Variants in P2RX7 observed in about 807,000 individuals in gnomAD.
P2RX7 encodes the protein purinergic receptor P2X 7, also known as P2X purinoceptor 7.
A neutral mutation model predicts 71.6 loss-of-function variants in P2RX7; 62 were observed. That is an observed-to-expected ratio of 0.87 (90% CI 0.71 to 1.07). The LOEUF is 1.07. P2RX7 is among the 50% of genes least tolerant of loss of function. The pLI, the probability that P2RX7 is intolerant of heterozygous loss-of-function variation, is 0.00. For synonymous variants in P2RX7, 299 were observed against 283.3 expected (o/e 1.06, Z -0.56); for missense variants, 686 against 748.5 (o/e 0.92, Z 0.97).
Position 121,177,338 on chromosome 12 carries a change from T to C in P2RX7, c.1080T>C (p.Ser360=). Residue 360 remains serine (S), a synonymous_variant, in exon 11 of 13, where the codon AGT becomes AGC. Coordinates refer to ENST00000328963, the MANE Select transcript of P2RX7 (RefSeq NM_002562.6). ...ACTTCCTCATCGACACTTACTCCAG[T>C]AACTGCTGTCGCTCCCATATTTATC... The part of the protein sequence containing the change: ...FIDFLIDTYS[S]NCCRSHIYPW... 13 of 1,614,042 alleles carry C rather than the reference T, an allele frequency of 8.1e-6. No homozygotes were observed. The highest frequency in any genetic ancestry group is 1.1e-5 in the Non-Finnish European group (13 of 1,179,990).
At chr12:121,171,359 C>CTTTTTTTTTTTTTTTTTTTT (rs34595094) in intron 8 of P2RX7, among the ~76,000 whole-genome samples, 1 of 105,026 alleles carries the variant, frequency 9.5e-6, no homozygotes, top group Non-Finnish European at 1.8e-5. Context: ...TCTTCAATCT[C>CTTTTTTTTTTTTTTTTTTTT]TTTTTTTTTT....
At position 121,149,397 on chromosome 12, in the gene P2RX7, G is replaced by A. The variant is rs1273672582; in HGVS notation, c.126-5388G>A. ...AATTTATAAAGGAAAGAGGTTTAAT[G>A]GGCCCACAGTTCCACATGGCTGGGA... On this transcript the variant is annotated intron_variant, in intron 1 of 12. Transcript: ENST00000328963. The surrounding 1 kb of genome is among the most constrained non-coding windows in gnomAD (Gnocchi z 4.7). Among the ~76,000 whole-genome samples the A allele has an allele frequency of 1.3e-5, 2 of 152,162 alleles. No individual in the cohort carries two copies. Among genetic ancestry groups the A allele is most frequent in the Non-Finnish European group, 2.9e-5 (2 of 68,020 alleles).
At position 121,184,849 on chromosome 12, in the gene P2RX7, C is replaced by G. The variant is rs1336491230; in HGVS notation, c.*47C>G. ...TCTGTAATCCCAGCGCTTTGGGAGG[C>G]CGAGGCAGGCAGATCACCTGAGGTC... On this transcript the variant is annotated 3_prime_UTR_variant, in exon 13 of 13. Transcript: ENST00000328963. 37 of 1,420,608 alleles carry G rather than the reference C, an allele frequency of 2.6e-5. No individual in the cohort carries two copies. The East Asian group carries it at 9.3e-4, about 36-fold the overall frequency. The allele number at this position is 1,420,608 out of a possible 1,614,324, so 88.0% of individuals were successfully genotyped here.
At chr12:121,162,306 G>A in intron 4 of P2RX7, 118 bp from the exon 5 acceptor site, 1 of 1,472,404 alleles carries the variant, frequency 6.8e-7, no homozygotes, top group Non-Finnish European at 9.0e-7. Flanking sequence ...GCGTGGGTTG[G>A]AAAGCCTGGT....
intron 1 of P2RX7, among the ~76,000 whole-genome samples, chr12:121,152,942 CCGGCACATGTACAAGAGCTTCT>C (rs1437997761): frequency 6.6e-6 from 1 of 152,254 alleles, no homozygotes; most frequent in East Asian, 1.9e-4. Flanking sequence ...CATAGCTCCT[CCGGCACATGTACAAGAGCTTCT>C]CTAGGGCACA....
intron 1 of P2RX7, among the ~76,000 whole-genome samples, chr12:121,141,870 C>T (rs568531): frequency 0.15 from 22,871 of 152,082 alleles, 2,883 homozygotes; most frequent in African/African-American, 0.35. Context: ...ACCACACAAT[C>T]CATGTCACAG....
At chr12:121,165,543 T>A in intron 6 of P2RX7, 106 bp downstream of exon 6, 2 of 880,422 alleles carry the variant, frequency 2.3e-6, no homozygotes, top group Non-Finnish European at 3.6e-6. Context: ...CTCCCACGGT[T>A]TCTGTGGGTC....
chr12:121,174,986 C>G (rs1287016715), intron 8 of P2RX7, among the ~76,000 whole-genome samples: 2 of 151,952 alleles, frequency 1.3e-5, no homozygotes, highest in African/African-American at 4.8e-5. Flanking sequence ...ACTAGACAGG[C>G]CACTGTTTTG....
intron 1 of P2RX7, chr12:121,148,937 G>A (rs936677555): frequency 7.4e-6 from 3 of 406,524 alleles, no homozygotes; most frequent in African/African-American, 2.1e-5. Context: ...TTAGGTGTGA[G>A]CTAAGAGATA....
chr12:121,166,324 C>T (rs568338505), intron 7 of P2RX7, 137 bp downstream of exon 7: 31 of 860,868 alleles, frequency 3.6e-5, no homozygotes, highest in African/African-American at 2.2e-4. Flanking sequence ...CCACCCGCTA[C>T]GCTAAGGACT....
intron 1 of P2RX7, among the ~76,000 whole-genome samples, chr12:121,140,290 A>C (rs1426996074): frequency 6.6e-6 from 1 of 152,234 alleles, no homozygotes; most frequent in African/African-American, 2.4e-5. Context: ...GAGCAGCCGG[A>C]GCTGAGGGCA....
intron 1 of P2RX7, among the ~76,000 whole-genome samples, chr12:121,152,891 G>C (rs1877747974): frequency 6.6e-6 from 1 of 152,212 alleles, no homozygotes; most frequent in African/African-American, 2.4e-5. Context: ...GTTATTTCCT[G>C]CTTTCCCTCT....
At position 121,161,125 on chromosome 12, in the gene P2RX7, C is replaced by T. The variant is rs1177973534; in HGVS notation, c.436+151C>T. On this transcript the variant is annotated intron_variant, in intron 4 of 12. Coordinates refer to ENST00000328963, the MANE Select transcript of P2RX7 (RefSeq NM_002562.6). ...ATAGGCGAGTCTGCCCATGCTTCGGCTCTGTCCCCAGCAGACCAGCTGCTG... is the reference window on the plus strand; with the variant it reads ...ATAGGCGAGTCTGCCCATGCTTCGGTTCTGTCCCCAGCAGACCAGCTGCTG... 6 of 710,488 alleles carry T rather than the reference C, an allele frequency of 8.4e-6. No homozygotes were observed. In the Admixed American group the frequency reaches 1.2e-4, roughly 14 times the overall value. The allele number at this position is 710,488 out of a possible 1,614,324, so 44.0% of individuals were successfully genotyped here. A position where few individuals can be genotyped will look rare whatever the true frequency, so the allele number is the denominator to read the frequency against.
chr12:121,156,282 G>C (rs562484598), intron 3 of P2RX7, 135 bp downstream of exon 3: 2 of 701,726 alleles, frequency 2.9e-6, no homozygotes, highest in African/African-American at 1.8e-5. Flanking sequence ...CCTCTTTTGT[G>C]GGGTAGGGCT....
chr12:121,177,497 A>T (rs1281113900), intron 11 of P2RX7, 51 bp downstream of exon 11: 4 of 1,573,224 alleles, frequency 2.5e-6, no homozygotes, highest in Non-Finnish European at 3.5e-6. Flanking sequence ...ATTCCATGAA[A>T]TCACTCAGAA....
intron 10 of P2RX7, 21 bp from the exon 11 acceptor site, chr12:121,177,276 G>A (rs190080059): frequency 1.2e-5 from 19 of 1,614,060 alleles, no homozygotes; most frequent in Middle Eastern, 1.7e-4. Flanking sequence ...CTAACGCAGC[G>A]CTTGTCTGCA....
Position 121,176,995 on chromosome 12 carries a change from C to G in P2RX7, c.973-152C>G. The G allele has an allele frequency of 7.5e-6, 5 of 669,776 alleles. No homozygotes were observed. In the South Asian group the frequency reaches 9.0e-5, roughly 12 times the overall value. The allele number at this position is 669,776 out of a possible 1,614,324, so 41.5% of individuals were successfully genotyped here. ...AGGATGCCTGAGAGTCAGTTTCAGTCTGCGTAGTCTCTGCCTCAGCCAGCA... is the reference window on the plus strand; with the variant it reads ...AGGATGCCTGAGAGTCAGTTTCAGTGTGCGTAGTCTCTGCCTCAGCCAGCA... On this transcript the variant is annotated intron_variant, in intron 9 of 12. Transcript: ENST00000328963.
intron 8 of P2RX7, among the ~76,000 whole-genome samples, chr12:121,175,162 T>G (rs986778994): frequency 8.2e-5 from 12 of 146,896 alleles, no homozygotes; most frequent in African/African-American, 3.0e-4. Flanking sequence ...ATACAAAAAA[T>G]TAGCCGAGCA....
intron 5 of P2RX7, among the ~76,000 whole-genome samples, chr12:121,163,900 G>A (rs549116657): frequency 6.6e-6 from 1 of 152,310 alleles, no homozygotes; most frequent in East Asian, 1.9e-4. Context: ...AAGCTGGCCT[G>A]TAGAAGGCTC....
Sources: gnomAD v4.1 joint callset for allele counts (sites outside exome capture counted in the v4.1 genomes callset) on GRCh38, gnomAD v4.1.1 for gene constraint, Gnocchi (gnomAD v3.1) non-coding constraint, MANE v1.5 for transcripts, NCBI Gene and HGNC (gene_info 2026-07-23, HGNC 2026-07-21) for gene names.